UBXN8: variants seen among roughly 807,000 people sequenced by gnomAD.
UBXN8 encodes the protein UBX domain-containing protein 8.
UBXN8 carries 27 observed loss-of-function variants against 32.1 expected under a neutral mutation model. The observed-to-expected ratio is 0.84, with a 90% CI of 0.62 to 1.16. UBXN8 has a LOEUF of 1.16. Among genes scored for constraint, UBXN8 ranks in the 50% most tolerant of loss-of-function variants. UBXN8 has a pLI of 0.00. For synonymous variants in UBXN8, 109 were observed against 111.8 expected, an observed-to-expected ratio of 0.98 and a Z score of 0.16; for missense variants, 306 against 311.4, an observed-to-expected ratio of 0.98 and a Z score of 0.13.
At chr8:30,757,358 T>C (rs1805689727) in intron 5 of UBXN8, among the ~76,000 whole-genome samples, 1 of 151,866 alleles carries the variant, frequency 6.6e-6, no homozygotes, top group Admixed American at 6.6e-5. Flanking sequence ...AAGACCAGCC[T>C]GGCCAACATG....
chr8:30,744,086 G>A (rs1805284552), upstream of UBXN8: 4 of 957,908 alleles, frequency 4.2e-6, no homozygotes, highest in Admixed American at 2.4e-5. Context: ...CCACGTTATT[G>A]ACCCTCTCCC....
chr8:30,760,443 A>ATTTTTTTTTT (rs199634258), intron 5 of UBXN8, among the ~76,000 whole-genome samples: 6 of 91,094 alleles, frequency 6.6e-5, no homozygotes, highest in African/African-American at 1.0e-4. Context: ...ATATATATAT[A>ATTTTTTTTTT]TTTTTTTTTT....
upstream of UBXN8, among the ~76,000 whole-genome samples, chr8:30,731,070 G>A (rs144831542): frequency 0.034 from 5,251 of 152,324 alleles, 268 homozygotes; most frequent in African/African-American, 0.12. Context: ...AGCTTGCAGC[G>A]TAATCAGTGT....
At chr8:30,734,583 G>A in intron 1 of UBXN8, among the ~76,000 whole-genome samples, 1 of 151,834 alleles carries the variant, frequency 6.6e-6, no homozygotes, top group East Asian at 1.9e-4. Flanking sequence ...TTGCACCACT[G>A]CACTCCAGCT....
At chr8:30,732,687 A>G (rs1466524950) in exon 1 of UBXN8, 1 of 157,174 alleles carries the variant, frequency 6.4e-6, no homozygotes, top group South Asian at 2.1e-4. Context: ...TTTACATTGT[A>G]TGTGTCAGAG....
At chr8:30,749,120 G>A (rs947381680) in intron 1 of UBXN8, among the ~76,000 whole-genome samples, 3 of 152,094 alleles carry the variant, frequency 2.0e-5, no homozygotes, top group Admixed American at 1.3e-4. Flanking sequence ...CTGGCTGGGT[G>A]CGGTGGCTCA....
At chr8:30,744,117 A>C, upstream of UBXN8, 1 of 1,439,162 alleles carries the variant, frequency 6.9e-7, no homozygotes, top group Non-Finnish European at 9.6e-7. Flanking sequence ...CGGCAAGAAG[A>C]GTTCCACTTC....
intron 1 of UBXN8, among the ~76,000 whole-genome samples, chr8:30,750,690 A>C (rs1347575101): frequency 1.3e-5 from 2 of 150,988 alleles, no homozygotes; most frequent in African/African-American, 4.9e-5. Context: ...GGAGAATGGC[A>C]TGAACCTGGG....
intron 6 of UBXN8, among the ~76,000 whole-genome samples, chr8:30,761,709 C>CAAAAAGGAAAAA (rs1431755764): frequency 1.4e-5 from 2 of 145,676 alleles, no homozygotes; most frequent in Admixed American, 1.4e-4. Flanking sequence ...GCTGTCGCTA[C>CAAAAAGGAAAAA]AAAAAGGAAA....
At chr8:30,744,879 T>A (rs575970120) in intron 1 of UBXN8, among the ~76,000 whole-genome samples, 1 of 152,144 alleles carries the variant, frequency 6.6e-6, no homozygotes, top group South Asian at 2.1e-4. Flanking sequence ...CAAGGAGAGT[T>A]GGGAGGAGGA....
intron 5 of UBXN8, among the ~76,000 whole-genome samples, chr8:30,760,444 T>TATATATATATATATATA (rs60534482): frequency 1.5e-5 from 1 of 67,038 alleles, no homozygotes; most frequent in African/African-American, 6.2e-5. Context: ...TATATATATA[T>TATATATATATATATATA]TTTTTTTTTT....
intron 5 of UBXN8, among the ~76,000 whole-genome samples, chr8:30,759,125 C>T (rs1324091303): frequency 2.6e-5 from 4 of 151,638 alleles, no homozygotes; most frequent in Non-Finnish European, 4.4e-5. Context: ...GATCTCCTGA[C>T]CTCATGATCT....
chr8:30,731,404 G>GC (rs1193159461), upstream of UBXN8, among the ~76,000 whole-genome samples: 2 of 152,132 alleles, frequency 1.3e-5, no homozygotes, highest in African/African-American at 4.8e-5. Flanking sequence ...CTTTCTGCTT[G>GC]CCCCGGACTT....
chr8:30,729,889 G>A (rs905497881), upstream of UBXN8, among the ~76,000 whole-genome samples: 13 of 152,086 alleles, frequency 8.5e-5, no homozygotes, highest in African/African-American at 3.1e-4. Context: ...TTACCACAGT[G>A]GGTAAGAGGG....
chr8:30,761,187 G>T (rs556488082), intron 6 of UBXN8, among the ~76,000 whole-genome samples: 13 of 151,924 alleles, frequency 8.6e-5, no homozygotes, highest in South Asian at 6.2e-4. Context: ...TTGGAATGTA[G>T]TGTAGTATCA....
At chr8:30,749,645 G>A (rs1159833847) in intron 1 of UBXN8, among the ~76,000 whole-genome samples, 7 of 143,024 alleles carry the variant, frequency 4.9e-5, no homozygotes, top group South Asian at 2.2e-4. Context: ...TCTCTCTGTC[G>A]CCCAGGCTGG....
rs1260504836 is a variant in UBXN8, at chr8:30,766,156, T to G, written c.646-71T>G. On this transcript the variant is annotated intron_variant, in intron 7 of 7. Coordinates refer to ENST00000265616, the MANE Select transcript of UBXN8 (RefSeq NM_005671.4). ...TTTACATTGACAAAATTATAAAATG[T>G]TATGGTGGTCTAAAGGGACATGGTG... 3 of 1,444,488 alleles carry G rather than the reference T, an allele frequency of 2.1e-6. No homozygotes were observed. In the African/African-American group the frequency reaches 4.2e-5, roughly 20 times the overall value. The allele number at this position is 1,444,488 out of a possible 1,614,324, so 89.5% of individuals were successfully genotyped here.
Position 30,753,078 on chromosome 8 carries a change from A to G in UBXN8, c.255A>G (p.Lys85=). The G allele has an allele frequency of 6.5e-7, 1 of 1,532,390 alleles. No individual in the cohort carries two copies. The highest frequency in any genetic ancestry group is 8.8e-7 in the Non-Finnish European group (1 of 1,140,798). 94.9% of individuals were successfully genotyped at this position (1,532,390 alleles called of 1,614,324 possible). Reference sequence around the variant, plus strand: ...AGAAAAGACAAAAACTTGTGAGAAAAAAACAACAAGAAGCACAAGGAGAGA... The same window carrying G: ...AGAAAAGACAAAAACTTGTGAGAAAGAAACAACAAGAAGCACAAGGAGAGA... ...KNEKRQKLVR[K]KQQEAQGEKA... Residue 85 remains lysine (K), a synonymous_variant, in exon 3 of 8, where the codon AAA becomes AAG. Coordinates refer to ENST00000265616, the MANE Select transcript of UBXN8 (RefSeq NM_005671.4).
At chr8:30,759,677 C>A (rs1805771580) in intron 5 of UBXN8, among the ~76,000 whole-genome samples, 1 of 151,554 alleles carries the variant, frequency 6.6e-6, no homozygotes, top group East Asian at 2.0e-4. Context: ...TGTATATGGG[C>A]CGGGTGTGGT....
Sources: allele counts gnomAD v4.1 joint callset (sites outside exome capture counted in the v4.1 genomes callset), GRCh38; gene constraint gnomAD v4.1.1; transcripts MANE v1.5; gene names NCBI Gene and HGNC (gene_info 2026-07-23, HGNC 2026-07-21).